Variants in RORA observed in about 807,000 individuals in gnomAD.
The protein encoded by RORA is RAR related orphan receptor A.
RORA carries 7 observed loss-of-function variants against 69.5 expected under a neutral mutation model. The observed-to-expected ratio is 0.10, with a 90% CI of 0.06 to 0.19. The LOEUF is 0.19. RORA is among the 10% of genes least tolerant of loss of function. RORA has a pLI of 1.00. For missense variants in RORA, 457 were observed against 663.0 expected, an observed-to-expected ratio of 0.69 and a Z score of 3.41; for synonymous variants, 261 against 240.8, an observed-to-expected ratio of 1.08 and a Z score of -0.78.
chr15:60,746,006 C>T (rs965976919), intron 1 of RORA, among the ~76,000 whole-genome samples: 1 of 152,144 alleles, frequency 6.6e-6, no homozygotes, highest in Non-Finnish European at 1.5e-5. Flanking sequence ...ATCTGGAAGG[C>T]TTTTAAATAA....
At chr15:60,886,424 T>G (rs1360806567) in intron 1 of RORA, among the ~76,000 whole-genome samples, 1 of 152,142 alleles carries the variant, frequency 6.6e-6, no homozygotes, top group Non-Finnish European at 1.5e-5. Flanking sequence ...CACTGCAACG[T>G]CTTTTGCCTA....
intron 1 of RORA, among the ~76,000 whole-genome samples, chr15:61,216,398 T>A (rs1474044953): frequency 6.6e-6 from 1 of 152,214 alleles, no homozygotes; most frequent in Non-Finnish European, 1.5e-5. Flanking sequence ...ATTATTAGAT[T>A]ACATTACAAG....
At position 60,976,082 on chromosome 15, in the gene RORA, A is replaced by G. The variant is rs369137857; in HGVS notation, c.166+252971T>C. Among the ~76,000 whole-genome samples, 20 of 152,302 alleles carry G rather than the reference A, an allele frequency of 1.3e-4. 1 individual carries two copies. The South Asian group carries it at 3.5e-3, about 27-fold the overall frequency. On this transcript the variant is annotated intron_variant, in intron 1 of 10. Transcript: ENST00000335670. ...AAGGTACTTTGCTGGAGGTGGAGCA[A>G]TTAATCCACAACTCAGCCCAGGGAA...
chr15:61,077,797 C>T (rs1485572700), intron 1 of RORA, among the ~76,000 whole-genome samples: 1 of 152,150 alleles, frequency 6.6e-6, no homozygotes, highest in Non-Finnish European at 1.5e-5. Context: ...TCTCTTCTTC[C>T]CTTAGATGTT....
At position 60,669,371 on chromosome 15, in the gene RORA, G is replaced by T. The variant is rs1042819050; in HGVS notation, c.196+9286C>A. 3.8e-3 allele frequency among the ~76,000 whole-genome samples: 427 copies of T among 111,072 alleles called. 4 individuals carry two copies. Among genetic ancestry groups the T allele is most frequent in the Admixed American group, 0.027 (238 of 8,814 alleles). The allele number at this position is 111,072 out of a possible 152,430, so 72.9% of individuals were successfully genotyped here. On this transcript the variant is annotated intron_variant, in intron 2 of 10. Transcript: ENST00000335670. ...TGTTTGTTTGTTTGTTTGTTTGTTT[G>T]TTTTTTTAACGTAGTTGGTCACAGG...
chr15:61,029,716 G>A (rs1414687793), intron 1 of RORA, among the ~76,000 whole-genome samples: 1 of 152,174 alleles, frequency 6.6e-6, no homozygotes, highest in Non-Finnish European at 1.5e-5. Flanking sequence ...TTGTTTTCAT[G>A]TTTTATAACA....
At chr15:60,500,820 T>G (rs1567038130) in intron 9 of RORA, 139 bp downstream of exon 9, 3 of 504,988 alleles carry the variant, frequency 5.9e-6, no homozygotes, top group African/African-American at 2.0e-5. Flanking sequence ...TTTGAAGACT[T>G]AAAATCCAAT....
intron 1 of RORA, among the ~76,000 whole-genome samples, chr15:60,714,709 T>A (rs1233597340): frequency 6.6e-6 from 1 of 152,084 alleles, no homozygotes; most frequent in Non-Finnish European, 1.5e-5. Flanking sequence ...CATAGAAAAT[T>A]TGTGTTTAAG....
chr15:61,109,039 T>C (rs897505689), intron 1 of RORA, among the ~76,000 whole-genome samples: 1 of 151,954 alleles, frequency 6.6e-6, no homozygotes, highest in African/African-American at 2.4e-5. Context: ...CTACTAAAAG[T>C]GCAAAAATTA....
intron 1 of RORA, among the ~76,000 whole-genome samples, chr15:60,926,507 A>ATGACATTTT (rs1430822951): frequency 6.6e-6 from 1 of 152,226 alleles, no homozygotes; most frequent in Non-Finnish European, 1.5e-5. Context: ...AGAACATCGA[A>ATGACATTTT]TGACATTTTA....
intron 1 of RORA, among the ~76,000 whole-genome samples, chr15:60,794,816 G>T (rs925274526): frequency 6.6e-6 from 1 of 152,144 alleles, no homozygotes; most frequent in Admixed American, 6.5e-5. Flanking sequence ...GTTTAGAAGG[G>T]TGCTGTGCCT....
At chr15:60,939,579 G>A (rs1595830914) in intron 1 of RORA, among the ~76,000 whole-genome samples, 2 of 152,196 alleles carry the variant, frequency 1.3e-5, no homozygotes, top group African/African-American at 2.4e-5. Flanking sequence ...TCGCCAGAGG[G>A]AGCCGTGCCA....
At chr15:60,525,589 C>T (rs1207708130) in intron 3 of RORA, among the ~76,000 whole-genome samples, 2 of 152,204 alleles carry the variant, frequency 1.3e-5, no homozygotes, top group Admixed American at 6.5e-5. Context: ...CGCTTTGGAA[C>T]GGCTACACAC....
intron 1 of RORA, among the ~76,000 whole-genome samples, chr15:61,134,247 C>T (rs1368387407): frequency 3.3e-5 from 5 of 152,184 alleles, no homozygotes; most frequent in African/African-American, 1.2e-4. Flanking sequence ...TATTGATGAT[C>T]TAGAGTGTTC....
At chr15:61,112,345 G>A (rs2079013800) in intron 1 of RORA, among the ~76,000 whole-genome samples, 1 of 152,222 alleles carries the variant, frequency 6.6e-6, no homozygotes, top group African/African-American at 2.4e-5. Flanking sequence ...CTTGCTCCAG[G>A]AAAGGAAAGT....
intron 4 of RORA, among the ~76,000 whole-genome samples, chr15:60,513,298 A>G (rs1364360513): frequency 3.3e-5 from 5 of 152,234 alleles, no homozygotes; most frequent in Non-Finnish European, 5.9e-5. Context: ...TATGCCTACA[A>G]CAACTTGTGC....
intron 1 of RORA, among the ~76,000 whole-genome samples, chr15:61,170,603 T>G (rs1400393183): frequency 6.6e-6 from 1 of 152,190 alleles, no homozygotes; most frequent in Non-Finnish European, 1.5e-5. Flanking sequence ...TTCGCTATTT[T>G]GCCTGCCATA....
intron 1 of RORA, among the ~76,000 whole-genome samples, chr15:61,019,133 C>G (rs979368853): frequency 6.6e-6 from 1 of 152,216 alleles, no homozygotes; most frequent in Non-Finnish European, 1.5e-5. Flanking sequence ...CTGCAAGGCA[C>G]AAGAATTGCA....
At chr15:60,514,354 C>A (rs1470292054) in intron 4 of RORA, among the ~76,000 whole-genome samples, 1 of 152,106 alleles carries the variant, frequency 6.6e-6, no homozygotes, top group Non-Finnish European at 1.5e-5. Flanking sequence ...TATCAAAAAT[C>A]TGAAGGTGTT....
Sources: gnomAD v4.1 joint callset for allele counts (sites outside exome capture counted in the v4.1 genomes callset) on GRCh38, gnomAD v4.1.1 for gene constraint, MANE v1.5 for transcripts, NCBI Gene and HGNC (gene_info 2026-07-23, HGNC 2026-07-21) for gene names.